Variants in SETD1B observed in about 807,000 individuals in gnomAD.
SETD1B encodes the protein histone-lysine N-methyltransferase SETD1B.
A neutral mutation model predicts 148.0 loss-of-function variants in SETD1B; 7 were observed. The ratio of observed to expected loss-of-function variants is 0.05; its 90% CI spans 0.03 to 0.09. The LOEUF is 0.09. Among genes scored for constraint, SETD1B ranks in the 10% least tolerant of loss-of-function variants. The pLI, the probability that SETD1B is intolerant of heterozygous loss-of-function variation, is 1.00. For missense variants in SETD1B, 2,155 were observed against 2,729.9 expected, an observed-to-expected ratio of 0.79 and a Z score of 4.69; for synonymous variants, 1,361 against 1,186.5, an observed-to-expected ratio of 1.15 and a Z score of -3.02.
chr12:121,817,553 G>C lies in SETD1B; in HGVS notation c.3161G>C (p.Gly1054Ala). Residue 1054 changes from glycine (G) to alanine (A), a missense_variant, in exon 9 of 17, where the codon GGG (glycine) becomes GCG (alanine). By Grantham distance (60) the Gly-to-Ala change is moderately conservative. Coordinates refer to ENST00000604567, the MANE Select transcript of SETD1B (RefSeq NM_001353345.2). The surrounding 1 kb of genome is among the most constrained non-coding windows in gnomAD (Gnocchi z 8.1). Reference sequence around the variant, plus strand: ...TCCTCATCCGCGTCATCATCCTCGGGGTCCTCAACCACCTCACCCTCGTCC... The same window carrying C: ...TCCTCATCCGCGTCATCATCCTCGGCGTCCTCAACCACCTCACCCTCGTCC... ...SSSSSASSSS[G>A]SSTTSPSSSA... is the part of the protein sequence containing the mutation. 1 of 1,551,412 alleles carries C rather than the reference G, an allele frequency of 6.4e-7. No homozygotes were observed. Among genetic ancestry groups the C allele is most frequent in the Non-Finnish European group, 8.7e-7 (1 of 1,146,774 alleles).
At chr12:121,825,622 C>A (rs963955799) in intron 13 of SETD1B, among the ~76,000 whole-genome samples, 2 of 151,902 alleles carry the variant, frequency 1.3e-5, no homozygotes, top group Non-Finnish European at 2.9e-5. Flanking sequence ...TCCGCAAGTT[C>A]ATTCATTTTT....
At position 121,809,915 on chromosome 12, in the gene SETD1B, C is replaced by T; in HGVS notation, c.970C>T (p.Arg324Cys). 4.5e-6 allele frequency: 7 copies of T among 1,551,136 alleles called. No homozygotes were observed. Among genetic ancestry groups the T allele is most frequent in the East Asian group, 2.4e-5 (1 of 40,914 alleles). The change falls in exon 6 of 17, where the codon CGC becomes TGC. Residue 324 changes from arginine to cysteine, a missense_variant. Physicochemically the swap from Arg to Cys is radical, Grantham distance 180. Around this residue, in one of 11 missense-constraint regions of SETD1B, gnomAD observed 376 missense variants for 385.0 expected, o/e 0.98. Transcript: ENST00000604567. ...CAAGTTCACGGACGCCTACAACCGC[C>T]GCCACGAACATCATTATGTACACAA... Reference protein sequence around the residue: ...ESKFTDAYNRRHEHHYVHNSP... With the variant: ...ESKFTDAYNRCHEHHYVHNSP...
the SETD1B span, chr12:121,793,955 C>T: frequency 1.2e-5 from 3 of 246,520 alleles, no homozygotes. Context: ...ATCGTGGCTG[C>T]CCAGCGACTC....
Position 121,810,856 on chromosome 12 carries a change from C to T in SETD1B, c.1890+21C>T, listed in dbSNP as rs1566549657. On this transcript the variant is annotated intron_variant, in intron 6 of 16. Coordinates refer to ENST00000604567, the MANE Select transcript of SETD1B (RefSeq NM_001353345.2). This position sits in a 1 kb window ranked among gnomAD's most constrained non-coding sequence, Gnocchi z 7.6. ...ATGAGGTACCACCGTGTCTGTCCATCTGTCTGGGACTGGTTTTGTCTATCT... is the reference window on the plus strand; with the variant it reads ...ATGAGGTACCACCGTGTCTGTCCATTTGTCTGGGACTGGTTTTGTCTATCT... 2 of 1,464,176 alleles carry T rather than the reference C, an allele frequency of 1.4e-6. No homozygotes were observed. Among genetic ancestry groups the T allele is most frequent in the Admixed American group, 2.7e-5 (1 of 37,728 alleles). 90.7% of individuals were successfully genotyped at this position (1,464,176 alleles called of 1,614,324 possible). A position where few individuals can be genotyped will look rare whatever the true frequency, so the allele number is the denominator to read the frequency against.
the SETD1B span, among the ~76,000 whole-genome samples, chr12:121,791,941 A>G: frequency 6.6e-6 from 1 of 152,116 alleles, no homozygotes; most frequent in South Asian, 2.1e-4. Flanking sequence ...GACTTTTACT[A>G]CCCCCGGGCC....
Position 121,804,148 on chromosome 12 carries a change from C to G in SETD1B, c.-100C>G, listed in dbSNP as rs1161604101. On this transcript the variant is annotated 5_prime_UTR_variant, in exon 1 of 17. Coordinates refer to ENST00000604567, the MANE Select transcript of SETD1B (RefSeq NM_001353345.2). The surrounding 1 kb of genome is among the most constrained non-coding windows in gnomAD (Gnocchi z 4.6). Reference sequence around the variant, plus strand: ...GCGGCGGCGCCCCCCCTTCCTGGCCCCCGGTCCGGCCGCCCCGGCCTCGGC... The same window carrying G: ...GCGGCGGCGCCCCCCCTTCCTGGCCGCCGGTCCGGCCGCCCCGGCCTCGGC... 1 of 150,226 alleles carries G rather than the reference C, an allele frequency of 6.7e-6. No individual in the cohort carries two copies. The highest frequency in any genetic ancestry group is 2.0e-4 in the East Asian group (1 of 5,118). 9.3% of individuals were successfully genotyped at this position (150,226 alleles called of 1,614,324 possible).
the SETD1B span, chr12:121,793,274 G>A: frequency 6.5e-7 from 1 of 1,527,598 alleles, no homozygotes; most frequent in South Asian, 1.2e-5. Flanking sequence ...TCCTTAGTGG[G>A]GCCGGCGGGG....
In SETD1B at chr12:121,809,775, C is replaced by T. The variant is rs1291645777; in HGVS notation, c.830C>T (p.Pro277Leu). The change falls in exon 6 of 17, where the codon CCG becomes CTG. Residue 277 changes from proline to leucine, a missense_variant. By Grantham distance (98) the Pro-to-Leu change is moderately conservative (BLOSUM62 -3). Around this residue, in one of 11 missense-constraint regions of SETD1B, gnomAD observed 376 missense variants for 385.0 expected, o/e 0.98. Coordinates refer to ENST00000604567, the MANE Select transcript of SETD1B (RefSeq NM_001353345.2). ...TATGGACAGGGCACCCCGCTCACAC[C>T]GCGCCTGGGCACCCCTTTCTCACAG... is the stretch of plus-strand genomic sequence containing the variant. ...NSYGQGTPLT[P>L]RLGTPFSQDS... The T allele has an allele frequency of 8.4e-6, 13 of 1,551,518 alleles. No homozygotes were observed. Among genetic ancestry groups the T allele is most frequent in the South Asian group, 2.4e-5 (2 of 84,056 alleles).
chr12:121,806,159 T>A, intron 4 of SETD1B, 54 bp downstream of exon 4: 2 of 1,520,736 alleles, frequency 1.3e-6, no homozygotes, highest in Non-Finnish European at 1.8e-6. Context: ...ACCCTTTCCC[T>A]CCCCACCCTT....
Position 121,817,223 on chromosome 12 carries a change from C to T in SETD1B, c.2906C>T (p.Pro969Leu), listed in dbSNP as rs1876332977. 6.4e-7 allele frequency: 1 copy of T among 1,550,798 alleles called. No homozygotes were observed. Among genetic ancestry groups the T allele is most frequent in the Admixed American group, 2.0e-5 (1 of 50,992 alleles). ...TCCTTCAAGGTCAAGAGGAAGGAGC[C>T]ACCAGACACCACCTCATCTGGCGAC... Reference protein sequence around the residue: ...LPSFKVKRKEPPDTTSSGDQK... With the variant: ...LPSFKVKRKELPDTTSSGDQK... Residue 969 changes from proline to leucine, a missense_variant, in exon 8 of 17, where the codon CCA becomes CTA. By Grantham distance (98) the Pro-to-Leu change is moderately conservative. Around this residue, in one of 11 missense-constraint regions of SETD1B, gnomAD observed 289 missense variants for 423.7 expected, o/e 0.68. Transcript: ENST00000604567. The surrounding 1 kb of genome is among the most constrained non-coding windows in gnomAD (Gnocchi z 8.1).
chr12:121,794,823 T>A, the SETD1B span, among the ~76,000 whole-genome samples: 3 of 151,976 alleles, frequency 2.0e-5, no homozygotes, highest in Admixed American at 2.0e-4. Context: ...CACGAGAGCA[T>A]GGCCGAGAGT....
At chr12:121,815,823 C>G (rs1051845827) in intron 7 of SETD1B, among the ~76,000 whole-genome samples, 1 of 118,156 alleles carries the variant, frequency 8.5e-6, no homozygotes, top group South Asian at 2.7e-4. Context: ...TCTTTTCTTT[C>G]TTTTTTTTTT....
At chr12:121,792,613 G>A in the SETD1B span, among the ~76,000 whole-genome samples, 1 of 152,238 alleles carries the variant, frequency 6.6e-6, no homozygotes, top group Non-Finnish European at 1.5e-5. Flanking sequence ...ACTGCAAGCC[G>A]TGGAATCCTG....
the SETD1B span, among the ~76,000 whole-genome samples, chr12:121,790,580 G>A: frequency 6.6e-6 from 1 of 152,224 alleles, no homozygotes; most frequent in African/African-American, 2.4e-5. Flanking sequence ...GGCACTCACT[G>A]ACCAGGGGAT....
At chr12:121,828,191 T>C (rs1469529818) in intron 16 of SETD1B, 121 bp downstream of exon 16, 4 of 1,335,014 alleles carry the variant, frequency 3.0e-6, no homozygotes, top group East Asian at 5.0e-5. Context: ...AAGCTCAGGT[T>C]GGCCAAGGGT....
In SETD1B at chr12:121,828,083, C is replaced by A. The variant is rs931981482; in HGVS notation, c.5727+13C>A. ...CCACAGCTGCAACGTGAGTGCCCAG[C>A]GGGGGGTGGCCCCTGCCCCTGCTCC... On this transcript the variant is annotated intron_variant, in intron 16 of 16. Transcript: ENST00000604567. The A allele has an allele frequency of 5.2e-6, 8 of 1,551,048 alleles. No homozygotes were observed. In the East Asian group the frequency reaches 1.2e-4, roughly 24 times the overall value.
rs1875603666 is a variant in SETD1B, at chr12:121,804,438, C to T, written c.-15+205C>T. On this transcript the variant is annotated intron_variant, in intron 1 of 16. Transcript: ENST00000604567. The surrounding 1 kb of genome is among the most constrained non-coding windows in gnomAD (Gnocchi z 4.6). ...GGCGGGCACCATGGGCCGGAGTCCG[C>T]GTCCTCCGGGCGCCCCGGGCCCCGC... Among the ~76,000 whole-genome samples the T allele has an allele frequency of 6.7e-6, 1 of 149,090 alleles. No individual in the cohort carries two copies. The highest frequency in any genetic ancestry group is 1.5e-5 in the Non-Finnish European group (1 of 66,984).
Position 121,810,502 on chromosome 12 carries a change from G to T in SETD1B, c.1557G>T (p.Glu519Asp). ...GCACCAAGCTGCTCTTCCTGAGGGA[G>T]CCGGACTCGGACACCGAGCTGCAGA... ...EQRTKLLFLR[E>D]PDSDTELQME... is the part of the protein sequence containing the mutation. The change falls in exon 6 of 17, where the codon GAG becomes GAT. Residue 519 changes from glutamate (E) to aspartate (D), a missense_variant. This residue lies in a region of SETD1B where 295 missense variants were observed against 303.8 expected (regional missense o/e 0.97). Coordinates refer to ENST00000604567, the MANE Select transcript of SETD1B (RefSeq NM_001353345.2). This position sits in a 1 kb window ranked among gnomAD's most constrained non-coding sequence, Gnocchi z 7.6. 1 of 1,546,480 alleles carries T rather than the reference G, an allele frequency of 6.5e-7. No individual in the cohort carries two copies.
upstream of SETD1B, chr12:121,799,721 G>GC (rs1875212553): frequency 7.7e-6 from 1 of 129,852 alleles, no homozygotes; most frequent in East Asian, 2.6e-4. Flanking sequence ...CGCAGCTGGG[G>GC]GGGGGGGGGT....
Sources: gnomAD v4.1 joint callset for allele counts (sites outside exome capture counted in the v4.1 genomes callset) on GRCh38, gnomAD v4.1.1 for gene constraint, gnomAD v4.1.1 regional missense constraint, Gnocchi (gnomAD v3.1) non-coding constraint, MANE v1.5 for transcripts, NCBI Gene and HGNC (gene_info 2026-07-23, HGNC 2026-07-21) for gene names.